JMY: variants seen among roughly 807,000 people sequenced by gnomAD.
JMY encodes the protein junction-mediating and -regulatory protein.
In JMY, 46 loss-of-function variants were observed where a neutral mutation model predicts 103.3. The ratio of observed to expected loss-of-function variants is 0.45; its 90% CI spans 0.35 to 0.57. The LOEUF (loss-of-function observed/expected upper bound fraction) is 0.57, where lower values mean the gene tolerates loss of function less well. Among genes scored for constraint, JMY ranks in the 20% least tolerant of loss-of-function variants. The pLI is 0.00. For synonymous variants in JMY, 526 were observed against 489.3 expected (o/e 1.07, Z -0.99); for missense variants, 1,238 against 1,255.2 (o/e 0.99, Z 0.21).
intron 1 of JMY, among the ~76,000 whole-genome samples, chr5:79,243,859 T>C (rs1239475918): frequency 1.3e-5 from 2 of 152,212 alleles, no homozygotes; most frequent in African/African-American, 4.8e-5. Flanking sequence ...GCTTCTAGTT[T>C]AGGGCTTCTA....
At chr5:79,268,115 C>T (rs1465200950) in intron 1 of JMY, among the ~76,000 whole-genome samples, 4 of 152,246 alleles carry the variant, frequency 2.6e-5, no homozygotes, top group East Asian at 1.9e-4. Context: ...TGGTGGTGCG[C>T]ACCTGTAGTT....
chr5:79,257,745 C>T (rs1331414410), intron 1 of JMY, among the ~76,000 whole-genome samples: 1 of 152,090 alleles, frequency 6.6e-6, no homozygotes, highest in Non-Finnish European at 1.5e-5. Flanking sequence ...ATTGTAAGTC[C>T]CTAAGAGATG....
At position 79,323,958 on chromosome 5, in the gene JMY, A is replaced by G. The variant is rs1747546508; in HGVS notation, c.*2356A>G. 6.6e-6 allele frequency: 1 copy of G among 152,164 alleles called. No individual in the cohort carries two copies. Among genetic ancestry groups the G allele is most frequent in the African/African-American group, 2.4e-5 (1 of 41,430 alleles). 9.4% of individuals were successfully genotyped at this position (152,164 alleles called of 1,614,324 possible). A position where few individuals can be genotyped will look rare whatever the true frequency, so the allele number is the denominator to read the frequency against. On this transcript the variant is annotated 3_prime_UTR_variant, in exon 11 of 11. Transcript: ENST00000396137. The stretch of plus-strand genomic sequence containing the variant: ...GAAAAGAAGGAGGTTAAAGCAGAGT[A>G]TTGTTGGCAGCCAGCTATGCCCATC...
chr5:79,251,381 G>A (rs778196135), intron 1 of JMY, among the ~76,000 whole-genome samples: 2 of 152,024 alleles, frequency 1.3e-5, no homozygotes, highest in Non-Finnish European at 2.9e-5. Flanking sequence ...ACAGCCATGC[G>A]CCACCATGCC....
At chr5:79,285,764 T>A (rs1335381065) in intron 2 of JMY, among the ~76,000 whole-genome samples, 1 of 152,146 alleles carries the variant, frequency 6.6e-6, no homozygotes, top group Non-Finnish European at 1.5e-5. Context: ...TATTCACAGT[T>A]TTTTCCCCCT....
Position 79,324,816 on chromosome 5 carries a change from G to A in JMY, c.*3214G>A, listed in dbSNP as rs965498501. ...TAAAAGGAGACTCCTAGACACAGCTGTAATAGTGGGAATAGAAATGTAGAG... is the reference window on the plus strand; with the variant it reads ...TAAAAGGAGACTCCTAGACACAGCTATAATAGTGGGAATAGAAATGTAGAG... On this transcript the variant is annotated 3_prime_UTR_variant, in exon 11 of 11. Coordinates refer to ENST00000396137, the MANE Select transcript of JMY (RefSeq NM_152405.5). 1.3e-5 allele frequency: 2 copies of A among 152,596 alleles called. No individual in the cohort carries two copies. Among genetic ancestry groups the A allele is most frequent in the African/African-American group, 4.8e-5 (2 of 41,444 alleles). 9.5% of individuals were successfully genotyped at this position (152,596 alleles called of 1,614,324 possible).
At chr5:79,309,870 T>C (rs1012191585) in intron 7 of JMY, among the ~76,000 whole-genome samples, 1 of 152,170 alleles carries the variant, frequency 6.6e-6, no homozygotes, top group Non-Finnish European at 1.5e-5. Context: ...CCATTTGTAC[T>C]TGCATTATCA....
intron 1 of JMY, among the ~76,000 whole-genome samples, chr5:79,267,526 T>A (rs1377157842): frequency 6.6e-6 from 1 of 152,238 alleles, no homozygotes; most frequent in Non-Finnish European, 1.5e-5. Flanking sequence ...AATATACATA[T>A]AAGGTGTTCC....
intron 1 of JMY, among the ~76,000 whole-genome samples, chr5:79,250,772 T>C (rs917344213): frequency 9.2e-5 from 14 of 151,876 alleles, no homozygotes; most frequent in African/African-American, 2.4e-4. Flanking sequence ...TACTTTTTTT[T>C]TAATGTTGGC....
chr5:79,278,280 TCTG>T (rs1746005504), intron 2 of JMY, among the ~76,000 whole-genome samples, 197 bp downstream of exon 2: 2 of 152,008 alleles, frequency 1.3e-5, no homozygotes, highest in African/African-American at 4.8e-5. Context: ...AAAAGGCAAT[TCTG>T]CTGAGTAGCC....
At chr5:79,243,596 T>A (rs1029105514) in intron 1 of JMY, among the ~76,000 whole-genome samples, 1 of 152,234 alleles carries the variant, frequency 6.6e-6, no homozygotes, top group African/African-American at 2.4e-5. Context: ...ACATTGTAGC[T>A]TGATGCCTTG....
rs1747621232 is a variant in JMY, at chr5:79,325,800, A to AAGTG, written c.*4202_*4205dup. ...AGTGTAATTTAAAAGTTTTCCTACA[A>AAGTG]AGTGAGTTTATATTGTTGCCTAAAC... On this transcript the variant is annotated 3_prime_UTR_variant, in exon 11 of 11. Coordinates refer to ENST00000396137, the MANE Select transcript of JMY (RefSeq NM_152405.5). The AAGTG allele has an allele frequency of 2.0e-5, 3 of 152,290 alleles. No individual in the cohort carries two copies. Among genetic ancestry groups the AAGTG allele is most frequent in the South Asian group, 2.1e-4 (1 of 4,824 alleles). 9.4% of individuals were successfully genotyped at this position (152,290 alleles called of 1,614,324 possible).
intron 1 of JMY, among the ~76,000 whole-genome samples, chr5:79,242,783 CT>C (rs71615514): frequency 0.1 from 14,296 of 140,404 alleles, 640 homozygotes; most frequent in Non-Finnish European, 0.12. Flanking sequence ...TCAATAATGA[CT>C]TTTTTTTTTT....
At chr5:79,319,902 G>T (rs2112126992) in intron 10 of JMY, among the ~76,000 whole-genome samples, 1 of 152,046 alleles carries the variant, frequency 6.6e-6, no homozygotes, top group Non-Finnish European at 1.5e-5. Context: ...TATAGATTTT[G>T]TCATTAATGT....
intron 4 of JMY, among the ~76,000 whole-genome samples, chr5:79,299,786 C>T (rs1039344748): frequency 6.7e-6 from 1 of 148,908 alleles, no homozygotes; most frequent in East Asian, 1.9e-4. Context: ...AGAATAGCCC[C>T]GTCATTTTCA....
At chr5:79,282,011 C>G (rs1034053599) in intron 2 of JMY, among the ~76,000 whole-genome samples, 4 of 152,088 alleles carry the variant, frequency 2.6e-5, no homozygotes, top group Admixed American at 6.6e-5. Context: ...GGAGACCACA[C>G]TGGCTAACAC....
chr5:79,258,460 T>A (rs1326836257), intron 1 of JMY, among the ~76,000 whole-genome samples: 1 of 152,054 alleles, frequency 6.6e-6, no homozygotes, highest in African/African-American at 2.4e-5. Flanking sequence ...GGGCTCATTC[T>A]ACCCACTCAG....
chr5:79,311,838 A>T (rs1346249645), intron 7 of JMY, among the ~76,000 whole-genome samples: 6 of 152,014 alleles, frequency 3.9e-5, no homozygotes, highest in Non-Finnish European at 7.4e-5. Context: ...TTTTTTTGAG[A>T]CAGAGTCCCA....
intron 4 of JMY, among the ~76,000 whole-genome samples, chr5:79,297,602 A>G (rs545126875): frequency 6.6e-6 from 1 of 152,306 alleles, no homozygotes; most frequent in African/African-American, 2.4e-5. Context: ...TTTTGCCCTC[A>G]CAGATTTCTC....
Sources: allele counts gnomAD v4.1 joint callset (sites outside exome capture counted in the v4.1 genomes callset), GRCh38; gene constraint gnomAD v4.1.1; transcripts MANE v1.5; gene names NCBI Gene and HGNC (gene_info 2026-07-23, HGNC 2026-07-21).